Variants in ASCC1 observed in about 807,000 individuals in gnomAD.
The protein encoded by ASCC1 is ASC-1 complex subunit P50.
In ASCC1, 35 loss-of-function variants were observed where a neutral mutation model predicts 46.6. That is an observed-to-expected ratio of 0.75 (90% CI 0.57 to 0.99). The LOEUF is 0.99. ASCC1 is among the 50% of genes least tolerant of loss of function. ASCC1 has a pLI of 0.00. For synonymous variants in ASCC1, 143 were observed against 146.6 expected, an observed-to-expected ratio of 0.98 and a Z score of 0.18; for missense variants, 376 against 428.7, an observed-to-expected ratio of 0.88 and a Z score of 1.09.
chr10:72,213,855 T>C (rs999145756), intron 1 of ASCC1, among the ~76,000 whole-genome samples: 2 of 150,726 alleles, frequency 1.3e-5, no homozygotes, highest in African/African-American at 4.9e-5. Flanking sequence ...CTGACCAACA[T>C]AGTGAAACCC....
intron 4 of ASCC1, among the ~76,000 whole-genome samples, chr10:72,199,963 G>A (rs2060232820): frequency 6.6e-6 from 1 of 151,832 alleles, no homozygotes; most frequent in Admixed American, 6.6e-5. Context: ...GAACACCTGG[G>A]CTCAAGTGAT....
Position 72,129,553 on chromosome 10 carries a change from G to T in ASCC1, c.872-1386C>A, listed in dbSNP as rs569728478. Reference sequence around the variant, plus strand: ...ATGGTGGCTCATGCCTGTAACCCCAGCACTTTGGGAGGCCGGGACAGGTGG... The same window carrying T: ...ATGGTGGCTCATGCCTGTAACCCCATCACTTTGGGAGGCCGGGACAGGTGG... On this transcript the variant is annotated intron_variant, in intron 8 of 9. Coordinates refer to ENST00000672957, the MANE Select transcript of ASCC1 (RefSeq NM_001198800.3). 3.9e-5 allele frequency among the ~76,000 whole-genome samples: 6 copies of T among 152,172 alleles called. No individual in the cohort carries two copies. The South Asian group carries it at 1.2e-3, about 32-fold the overall frequency.
chr10:72,160,525 T>C (rs1054152190), intron 6 of ASCC1, among the ~76,000 whole-genome samples: 9 of 151,996 alleles, frequency 5.9e-5, no homozygotes, highest in East Asian at 1.9e-4. Context: ...ACAGTAATGC[T>C]TTCCCTGAGT....
intron 7 of ASCC1, among the ~76,000 whole-genome samples, chr10:72,139,326 G>T (rs896624948): frequency 3.3e-5 from 5 of 151,902 alleles, no homozygotes; most frequent in Non-Finnish European, 5.9e-5. Context: ...GTGTTAGCCA[G>T]GATGGTCTCG....
chr10:72,196,036 T>C (rs1855372243), intron 5 of ASCC1, among the ~76,000 whole-genome samples: 1 of 152,206 alleles, frequency 6.6e-6, no homozygotes, highest in South Asian at 2.1e-4. Context: ...CTAACTGATA[T>C]CCAAAATGAG....
intron 6 of ASCC1, among the ~76,000 whole-genome samples, chr10:72,156,319 T>A (rs1274577938): frequency 6.6e-6 from 1 of 152,240 alleles, no homozygotes; most frequent in Non-Finnish European, 1.5e-5. Flanking sequence ...CCGAGCATGC[T>A]TCTTGCAATC....
intron 5 of ASCC1, among the ~76,000 whole-genome samples, chr10:72,170,991 ATT>A (rs1011758427): frequency 6.6e-6 from 1 of 152,140 alleles, no homozygotes; most frequent in Non-Finnish European, 1.5e-5. Context: ...TAATTAAAAT[ATT>A]TTGAAATATT....
At chr10:72,111,909 TG>T (rs1304244541) in intron 9 of ASCC1, among the ~76,000 whole-genome samples, 1 of 152,228 alleles carries the variant, frequency 6.6e-6, no homozygotes, top group African/African-American at 2.4e-5. Flanking sequence ...CCCAAAGTGC[TG>T]GGATTACAGG....
chr10:72,179,352 A>T (rs538236932), intron 5 of ASCC1, among the ~76,000 whole-genome samples: 1 of 152,314 alleles, frequency 6.6e-6, no homozygotes, highest in South Asian at 2.1e-4. Flanking sequence ...ACCGAATTCC[A>T]GTCAAGGCTG....
intron 7 of ASCC1, chr10:72,133,463 A>G (rs1236196204): frequency 2.4e-6 from 1 of 422,500 alleles, no homozygotes; most frequent in African/African-American, 2.0e-5. Flanking sequence ...TTTCCACAGG[A>G]GGTTTAGACA....
At chr10:72,172,414 C>CAAAAAAA (rs1041390323) in intron 5 of ASCC1, among the ~76,000 whole-genome samples, 4 of 40,226 alleles carry the variant, frequency 9.9e-5, no homozygotes, top group Middle Eastern at 0.01. Flanking sequence ...AACTCAGTCT[C>CAAAAAAA]AAAAAAAAAA....
intron 7 of ASCC1, among the ~76,000 whole-genome samples, chr10:72,150,185 CAA>C (rs1203103055): frequency 2.2e-5 from 3 of 133,514 alleles, no homozygotes; most frequent in Non-Finnish European, 4.9e-5. Context: ...AACTCTGTCT[CAA>C]AAAAAAAAAA....
rs370090209 is a variant in ASCC1, at chr10:72,168,926, G to A, written c.490-7252C>T. The stretch of plus-strand genomic sequence containing the variant: ...CTATTGTTTAAGCCACCCAGTCTGT[G>A]GTATTCTATGACAGCAGCCTGAGCA... On this transcript the variant is annotated intron_variant, in intron 5 of 9. Coordinates refer to ENST00000672957, the MANE Select transcript of ASCC1 (RefSeq NM_001198800.3). Among the ~76,000 whole-genome samples the A allele has an allele frequency of 2.6e-4, 40 of 152,258 alleles. No individual in the cohort carries two copies. The East Asian group carries it at 3.3e-3, about 12-fold the overall frequency.
intron 5 of ASCC1, among the ~76,000 whole-genome samples, chr10:72,181,315 G>C (rs914345209): frequency 1.3e-5 from 2 of 152,056 alleles, no homozygotes; most frequent in African/African-American, 2.4e-5. Flanking sequence ...TATATCAACA[G>C]TTAAAGATGC....
intron 9 of ASCC1, chr10:72,102,491 T>C: frequency 3.5e-6 from 4 of 1,156,536 alleles, no homozygotes; most frequent in Non-Finnish European, 3.8e-6. Context: ...TGTAGTTCTT[T>C]TTATACTAGG....
In ASCC1 at chr10:72,133,138, A is replaced by G; in HGVS notation, c.790T>C (p.Ser264Pro). 5 of 1,614,096 alleles carry G rather than the reference A, an allele frequency of 3.1e-6. No homozygotes were observed. The highest frequency in any genetic ancestry group is 4.2e-6 in the Non-Finnish European group (5 of 1,179,924). Residue 264 changes from serine to proline, a missense_variant, in exon 8 of 10, where the codon TCT becomes CCT. Transcript: ENST00000672957. ...VDRVLERFQA[S>P]GLIVKEWNSV... The stretch of plus-strand genomic sequence containing the variant: ...TTCCACTCTTTCACTATTAGTCCAG[A>G]TGCCTGAAAACGTTCCAGCACTCGA...
rs1006302520 is a variant in ASCC1, at chr10:72,205,253, T to C, written c.213-1729A>G. ...GGGAGGCAGAGGCGGGCAAATCACT[T>C]GAGGTCAGGAGTTCAAGACCAGCCT... On this transcript the variant is annotated intron_variant, in intron 3 of 9. Transcript: ENST00000672957. Among the ~76,000 whole-genome samples, 4 of 152,218 alleles carry C rather than the reference T, an allele frequency of 2.6e-5. No homozygotes were observed. In the East Asian group the frequency reaches 7.7e-4, roughly 29 times the overall value.
At chr10:72,140,238 T>C (rs1348019426) in intron 7 of ASCC1, among the ~76,000 whole-genome samples, 2 of 152,128 alleles carry the variant, frequency 1.3e-5, no homozygotes, top group Admixed American at 1.3e-4. Context: ...AGAAATAGCA[T>C]TTGGACAAAA....
intron 5 of ASCC1, among the ~76,000 whole-genome samples, chr10:72,171,336 A>C (rs1471221721): frequency 2.6e-5 from 4 of 152,156 alleles, no homozygotes; most frequent in African/African-American, 9.7e-5. Context: ...TAGCTTCTAG[A>C]GGCTACCTGA....
Sources: gnomAD v4.1 joint callset for allele counts (sites outside exome capture counted in the v4.1 genomes callset) on GRCh38, gnomAD v4.1.1 for gene constraint, MANE v1.5 for transcripts, NCBI Gene and HGNC (gene_info 2026-07-23, HGNC 2026-07-21) for gene names.